The following ARSB variants were observed in gnomAD, a reference collection of about 807,000 sequenced individuals.
The protein encoded by ARSB is arylsulfatase B.
ARSB carries 41 observed loss-of-function variants against 50.9 expected under a neutral mutation model. That is an observed-to-expected ratio of 0.81 (90% CI 0.63 to 1.04). The LOEUF is 1.04. Ranked by LOEUF, ARSB falls within the 50% of genes least tolerant of loss-of-function variation. The pLI is 0.00. For missense variants in ARSB, 672 were observed against 693.3 expected (o/e 0.97, Z 0.35); for synonymous variants, 269 against 284.8 (o/e 0.94, Z 0.56).
intron 4 of ARSB, among the ~76,000 whole-genome samples, chr5:78,889,515 G>A (rs1468575877): frequency 6.6e-6 from 1 of 152,138 alleles, no homozygotes; most frequent in Non-Finnish European, 1.5e-5. Flanking sequence ...AGATGGTTTT[G>A]CAGCAATGTT....
At chr5:78,885,869 C>T in intron 4 of ARSB, 42 bp from the exon 5 acceptor site, 1 of 1,614,028 alleles carries the variant, frequency 6.2e-7, no homozygotes, top group South Asian at 1.1e-5. Context: ...GATGTTAACT[C>T]TTAAATACAT....
Position 78,887,402 on chromosome 5 carries a change from G to A in ARSB, c.899-1575C>T, listed in dbSNP as rs1390554154. Reference sequence around the variant, plus strand: ...TGGGAGACAGCATTGATCTATTCATGAGGAACCCGCCCCCATGACCCAAAC... The same window carrying A: ...TGGGAGACAGCATTGATCTATTCATAAGGAACCCGCCCCCATGACCCAAAC... On this transcript the variant is annotated intron_variant, in intron 4 of 7. Coordinates refer to ENST00000264914, the MANE Select transcript of ARSB (RefSeq NM_000046.5). Among the ~76,000 whole-genome samples the A allele has an allele frequency of 3.3e-5, 5 of 152,244 alleles. No homozygotes were observed. In the East Asian group the frequency reaches 7.7e-4, roughly 24 times the overall value.
At chr5:78,886,749 C>A (rs967237765) in intron 4 of ARSB, among the ~76,000 whole-genome samples, 2 of 151,446 alleles carry the variant, frequency 1.3e-5, no homozygotes, top group African/African-American at 4.9e-5. Flanking sequence ...TTAAATAACA[C>A]ATATTTTGCA....
chr5:78,841,346 T>C (rs1456525415), intron 5 of ARSB, among the ~76,000 whole-genome samples: 1 of 151,432 alleles, frequency 6.6e-6, no homozygotes, highest in Non-Finnish European at 1.5e-5. Context: ...AACAAACAAA[T>C]AAAACCAAGC....
intron 6 of ARSB, among the ~76,000 whole-genome samples, chr5:78,823,450 G>C (rs1222775892): frequency 3.9e-5 from 6 of 152,138 alleles, no homozygotes; most frequent in African/African-American, 1.2e-4. Flanking sequence ...GACTTTTTGG[G>C]GTTTGCCTAT....
At chr5:78,888,644 A>C (rs1189822263) in intron 4 of ARSB, among the ~76,000 whole-genome samples, 1 of 152,202 alleles carries the variant, frequency 6.6e-6, no homozygotes, top group Admixed American at 6.5e-5. Context: ...TGGTGGTGGA[A>C]ATAAGAGTGG....
chr5:78,802,674 T>G (rs771439473), intron 6 of ARSB, among the ~76,000 whole-genome samples: 3 of 152,184 alleles, frequency 2.0e-5, no homozygotes, highest in East Asian at 3.8e-4. Flanking sequence ...ATTAGAGAGA[T>G]AATGATTACA....
intron 5 of ARSB, among the ~76,000 whole-genome samples, chr5:78,843,439 T>C (rs1173198651): frequency 6.6e-6 from 1 of 152,106 alleles, no homozygotes; most frequent in Non-Finnish European, 1.5e-5. Flanking sequence ...CACAATACAA[T>C]CACCTGAAGA....
intron 1 of ARSB, among the ~76,000 whole-genome samples, chr5:78,970,025 A>G (rs977988360): frequency 3.9e-5 from 6 of 152,242 alleles, no homozygotes; most frequent in Non-Finnish European, 7.3e-5. Flanking sequence ...AAAAGCGGCC[A>G]TCTGACTGCT....
intron 4 of ARSB, among the ~76,000 whole-genome samples, chr5:78,919,713 G>A (rs997635335): frequency 6.6e-6 from 1 of 152,038 alleles, no homozygotes; most frequent in African/African-American, 2.4e-5. Context: ...GGCTGGTCTC[G>A]AACTCCTGAC....
At chr5:78,804,772 C>G (rs952855351) in intron 6 of ARSB, among the ~76,000 whole-genome samples, 2 of 152,180 alleles carry the variant, frequency 1.3e-5, no homozygotes, top group Non-Finnish European at 2.9e-5. Flanking sequence ...TCTGACCTCC[C>G]AGCTCCCGGA....
rs979548899 is a variant in ARSB, at chr5:78,777,954, A to T, written c.*2443T>A. The T allele has an allele frequency of 2.0e-5, 3 of 152,204 alleles. No homozygotes were observed. The highest frequency in any genetic ancestry group is 4.4e-5 in the Non-Finnish European group (3 of 68,044). The allele number at this position is 152,204 out of a possible 1,614,324, so 9.4% of individuals were successfully genotyped here. On this transcript the variant is annotated 3_prime_UTR_variant, in exon 8 of 8. Transcript: ENST00000264914. ...ATAGAATCAGAGAATCTAATGAAATACATTCTATTATGGATAAACCAAAAT... is the reference window on the plus strand; with the variant it reads ...ATAGAATCAGAGAATCTAATGAAATTCATTCTATTATGGATAAACCAAAAT...
intron 5 of ARSB, among the ~76,000 whole-genome samples, chr5:78,851,245 T>G (rs1375828203): frequency 6.6e-6 from 1 of 152,236 alleles, no homozygotes; most frequent in African/African-American, 2.4e-5. Flanking sequence ...GTCCCAGAGA[T>G]TCTGGTATGT....
At chr5:78,860,395 A>C (rs1055691234) in intron 5 of ARSB, among the ~76,000 whole-genome samples, 4 of 152,222 alleles carry the variant, frequency 2.6e-5, no homozygotes, top group Non-Finnish European at 5.9e-5. Flanking sequence ...TAGAACAGAA[A>C]TTATAACAAA....
chr5:78,803,894 T>C (rs1743478291), intron 6 of ARSB, among the ~76,000 whole-genome samples: 1 of 152,228 alleles, frequency 6.6e-6, no homozygotes, highest in South Asian at 2.1e-4. Context: ...TACTAGACGT[T>C]GTACTCCAGT....
At chr5:78,962,181 T>C (rs953777806) in intron 3 of ARSB, among the ~76,000 whole-genome samples, 2 of 152,198 alleles carry the variant, frequency 1.3e-5, no homozygotes, top group Admixed American at 1.3e-4. Flanking sequence ...GCCAGTTTGC[T>C]TATGTGTAAA....
At chr5:78,887,721 T>C (rs1291960416) in intron 4 of ARSB, among the ~76,000 whole-genome samples, 1 of 152,206 alleles carries the variant, frequency 6.6e-6, no homozygotes, top group Non-Finnish European at 1.5e-5. Flanking sequence ...AGTGAATAGA[T>C]GGCAATGCTA....
chr5:78,799,966 T>TTA lies in ARSB; in HGVS notation c.1214-17993_1214-17992insTA, dbSNP rs531034961. Among the ~76,000 whole-genome samples the TTA allele has an allele frequency of 1.5e-3, 234 of 152,306 alleles. 2 individuals carry two copies. Among genetic ancestry groups the TTA allele is most frequent in the Admixed American group, 4.4e-3 (67 of 15,300 alleles). ...AGGATTGTGAATGAAAAAGTGGGAA[T>TTA]ATTTGTAAGCAAACAATCTGTGACA... On this transcript the variant is annotated intron_variant, in intron 6 of 7. Coordinates refer to ENST00000264914, the MANE Select transcript of ARSB (RefSeq NM_000046.5).
intron 6 of ARSB, among the ~76,000 whole-genome samples, chr5:78,783,925 A>T (rs143697243): frequency 6.6e-6 from 1 of 152,356 alleles, no homozygotes; most frequent in East Asian, 1.9e-4. Context: ...GGAAAATTAC[A>T]AAGAATAATA....
Sources: allele counts gnomAD v4.1 joint callset (sites outside exome capture counted in the v4.1 genomes callset), GRCh38; gene constraint gnomAD v4.1.1; transcripts MANE v1.5; gene names NCBI Gene and HGNC (gene_info 2026-07-23, HGNC 2026-07-21).